The following DGKI variants were observed in gnomAD, a reference collection of about 807,000 sequenced individuals.
The protein encoded by DGKI is diacylglycerol kinase iota, also known as DAG kinase iota.
DGKI carries 55 observed loss-of-function variants against 147.5 expected under a neutral mutation model. That is an observed-to-expected ratio of 0.37 (90% CI 0.30 to 0.47). DGKI has a LOEUF of 0.47. Ranked by LOEUF, DGKI falls within the 20% of genes least tolerant of loss-of-function variation. The probability of loss-of-function intolerance (pLI) is 1.00; values close to 1 mark genes in which losing one functional copy is unlikely to be tolerated. For synonymous variants in DGKI, 469 were observed against 477.1 expected, an observed-to-expected ratio of 0.98 and a Z score of 0.22; for missense variants, 1,007 against 1,323.8, an observed-to-expected ratio of 0.76 and a Z score of 3.71.
At chr7:137,743,366 C>T (rs899411096) in intron 1 of DGKI, among the ~76,000 whole-genome samples, 7 of 152,056 alleles carry the variant, frequency 4.6e-5, no homozygotes, top group Non-Finnish European at 1.0e-4. Context: ...GTAAAAAGTA[C>T]CACATGCTTG....
chr7:137,497,296 T>C (rs1269965521), intron 21 of DGKI, among the ~76,000 whole-genome samples: 4 of 152,136 alleles, frequency 2.6e-5, no homozygotes. Flanking sequence ...ACATGACAGA[T>C]GCTGATGAGG....
chr7:137,672,114 C>T (rs2116354269), intron 3 of DGKI, among the ~76,000 whole-genome samples: 1 of 152,346 alleles, frequency 6.6e-6, no homozygotes, highest in South Asian at 2.1e-4. Context: ...CCTGTCTGCT[C>T]ACTTACACCT....
intron 21 of DGKI, among the ~76,000 whole-genome samples, chr7:137,493,263 C>A (rs372171927): frequency 6.6e-6 from 1 of 152,180 alleles, no homozygotes; most frequent in Admixed American, 6.5e-5. Flanking sequence ...CCCACACCCG[C>A]CAGTGCCCCA....
At chr7:137,414,885 G>A (rs1812300031) in intron 28 of DGKI, among the ~76,000 whole-genome samples, 1 of 152,048 alleles carries the variant, frequency 6.6e-6, no homozygotes, top group Non-Finnish European at 1.5e-5. Flanking sequence ...TTGCAAATGA[G>A]GTTAACAGCT....
At chr7:137,400,633 GCCCGCGGCTA>G (rs1458777209) in intron 30 of DGKI, among the ~76,000 whole-genome samples, 2 of 152,162 alleles carry the variant, frequency 1.3e-5, no homozygotes, top group Non-Finnish European at 2.9e-5. Flanking sequence ...AGTCAGGCAT[GCCCGCGGCTA>G]CCCATCACTC....
At chr7:137,515,771 A>G (rs1360864137) in intron 21 of DGKI, among the ~76,000 whole-genome samples, 3 of 152,102 alleles carry the variant, frequency 2.0e-5, no homozygotes, top group African/African-American at 7.2e-5. Flanking sequence ...AAATTACACA[A>G]TATATGTAAA....
chr7:137,492,866 C>T, intron 21 of DGKI, among the ~76,000 whole-genome samples: 1 of 152,186 alleles, frequency 6.6e-6, no homozygotes, highest in South Asian at 2.1e-4. Context: ...CTCCCAGGGA[C>T]ATGCATAATA....
intron 23 of DGKI, among the ~76,000 whole-genome samples, chr7:137,480,440 G>A (rs536914514): frequency 1.3e-5 from 2 of 152,252 alleles, no homozygotes; most frequent in East Asian, 1.9e-4. Flanking sequence ...GAAAGGGGAT[G>A]AATGAAATAT....
chr7:137,522,952 A>C (rs1221100765), intron 20 of DGKI, among the ~76,000 whole-genome samples: 1 of 152,108 alleles, frequency 6.6e-6, no homozygotes, highest in Non-Finnish European at 1.5e-5. Flanking sequence ...AAATGGTGAC[A>C]AAAGTCACCA....
intron 3 of DGKI, among the ~76,000 whole-genome samples, chr7:137,665,581 C>T (rs1433319223): frequency 1.3e-5 from 2 of 152,120 alleles, no homozygotes; most frequent in Non-Finnish European, 2.9e-5. Context: ...AAGCATTCTG[C>T]ATATGAAGTG....
At chr7:137,497,712 A>G (rs1268011279) in intron 21 of DGKI, among the ~76,000 whole-genome samples, 1 of 152,102 alleles carries the variant, frequency 6.6e-6, no homozygotes, top group Non-Finnish European at 1.5e-5. Flanking sequence ...TTTAATAAGT[A>G]TCACATATTC....
At chr7:137,505,589 T>C (rs1340337438) in intron 21 of DGKI, among the ~76,000 whole-genome samples, 2 of 152,040 alleles carry the variant, frequency 1.3e-5, no homozygotes, top group African/African-American at 4.8e-5. Flanking sequence ...AAGGGTGCCA[T>C]GAAATCAATT....
chr7:137,702,865 T>C (rs541690508), intron 1 of DGKI, among the ~76,000 whole-genome samples: 1 of 152,258 alleles, frequency 6.6e-6, no homozygotes, highest in African/African-American at 2.4e-5. Context: ...AAACAATCAG[T>C]TATGAATTTT....
intron 6 of DGKI, among the ~76,000 whole-genome samples, chr7:137,642,198 A>C (rs1286587868): frequency 6.6e-6 from 1 of 152,136 alleles, no homozygotes; most frequent in Non-Finnish European, 1.5e-5. Context: ...GCTTTTATGG[A>C]TTGCATCAAA....
intron 28 of DGKI, among the ~76,000 whole-genome samples, chr7:137,442,845 T>C (rs1585119587): frequency 6.6e-6 from 1 of 152,234 alleles, no homozygotes; most frequent in African/African-American, 2.4e-5. Flanking sequence ...ACTCATAGTC[T>C]AATAGGGAAA....
chr7:137,663,725 C>T (rs921397847), intron 3 of DGKI, among the ~76,000 whole-genome samples: 34 of 152,118 alleles, frequency 2.2e-4, no homozygotes, highest in African/African-American at 7.7e-4. Context: ...GAAGGGGAAA[C>T]AGAACTACGC....
At chr7:137,469,349 G>T (rs1281776001) in intron 24 of DGKI, among the ~76,000 whole-genome samples, 1 of 152,180 alleles carries the variant, frequency 6.6e-6, no homozygotes, top group Non-Finnish European at 1.5e-5. Context: ...TAACCAAGCT[G>T]TGTTGAGGGA....
chr7:137,581,071 G>C, intron 15 of DGKI, among the ~76,000 whole-genome samples: 1 of 152,090 alleles, frequency 6.6e-6, no homozygotes, highest in East Asian at 1.9e-4. Flanking sequence ...GAGAGAGAGA[G>C]AGAGATCAAT....
At chr7:137,407,357 A>G (rs1811994152) in intron 30 of DGKI, among the ~76,000 whole-genome samples, 1 of 152,252 alleles carries the variant, frequency 6.6e-6, no homozygotes, top group Admixed American at 6.5e-5. Flanking sequence ...GATCTGCCAC[A>G]GACAACACAA....
Sources: gnomAD v4.1 joint callset for allele counts (sites outside exome capture counted in the v4.1 genomes callset) on GRCh38, gnomAD v4.1.1 for gene constraint, MANE v1.5 for transcripts, NCBI Gene and HGNC (gene_info 2026-07-23, HGNC 2026-07-21) for gene names.